TEK: variants seen among roughly 807,000 people sequenced by gnomAD.
TEK encodes the protein angiopoietin-1 receptor.
A neutral mutation model predicts 131.8 loss-of-function variants in TEK; 43 were observed. The observed-to-expected ratio is 0.33, with a 90% CI of 0.26 to 0.42. The LOEUF is 0.42. Ranked by LOEUF, TEK falls within the 10% of genes least tolerant of loss-of-function variation. TEK has a pLI of 1.00. For synonymous variants in TEK, 580 were observed against 491.6 expected (o/e 1.18, Z -2.38); for missense variants, 1,162 against 1,384.4 (o/e 0.84, Z 2.55).
chr9:27,204,929 G>T lies in TEK; in HGVS notation c.2228G>T (p.Gly743Val), dbSNP rs202131936. 76 of 1,613,984 alleles carry T rather than the reference G, an allele frequency of 4.7e-5. No homozygotes were observed. Among genetic ancestry groups the T allele is most frequent in the South Asian group, 2.9e-4 (26 of 91,076 alleles). Residue 743 changes from glycine to valine, a missense_variant, in exon 14 of 23, where the codon GGG (glycine) becomes GTG (valine). Physicochemically the swap from Gly to Val is moderately radical, Grantham distance 109. This residue lies in a region of TEK where 477 missense variants were observed against 471.0 expected (regional missense o/e 1.01). Coordinates refer to ENST00000380036, the MANE Select transcript of TEK (RefSeq NM_000459.5). ...PESQAPADLG[G>V]GKMLLIAILG... ...TGCACAGCACCAGCGGACCTCGGAGGGGGGAAGATGCTGCTTATAGCCATC... is the reference window on the plus strand; with the variant it reads ...TGCACAGCACCAGCGGACCTCGGAGTGGGGAAGATGCTGCTTATAGCCATC...
At chr9:27,134,269 G>T (rs914548120) in intron 1 of TEK, among the ~76,000 whole-genome samples, 41 of 152,170 alleles carry the variant, frequency 2.7e-4, no homozygotes, top group African/African-American at 9.7e-4. Flanking sequence ...ACTTGGATTA[G>T]AGAGTTAACA....
chr9:27,229,308 C>A lies in TEK; in HGVS notation c.*76C>A. On this transcript the variant is annotated 3_prime_UTR_variant, in exon 23 of 23. Transcript: ENST00000380036. ...CTTGACACCTGCTGAGAAAACATGCCTCTGCCAAAGGATGTGATATATAAG... is the reference window on the plus strand; with the variant it reads ...CTTGACACCTGCTGAGAAAACATGCATCTGCCAAAGGATGTGATATATAAG... 1 of 1,409,574 alleles carries A rather than the reference C, an allele frequency of 7.1e-7. No homozygotes were observed. The highest frequency in any genetic ancestry group is 1.2e-5 in the South Asian group (1 of 86,872). 87.3% of individuals were successfully genotyped at this position (1,409,574 alleles called of 1,614,324 possible). A position where few individuals can be genotyped will look rare whatever the true frequency, so the allele number is the denominator to read the frequency against.
intron 11 of TEK, among the ~76,000 whole-genome samples, chr9:27,196,916 G>T (rs1048535602): frequency 3.3e-5 from 5 of 151,626 alleles, no homozygotes; most frequent in Non-Finnish European, 7.4e-5. Flanking sequence ...ACAACGTGCA[G>T]GTTAGTTACA....
At chr9:27,218,528 G>C (rs1479490618) in intron 19 of TEK, among the ~76,000 whole-genome samples, 7 of 152,114 alleles carry the variant, frequency 4.6e-5, no homozygotes, top group Non-Finnish European at 1.0e-4. Context: ...GTTTTGGACA[G>C]TACCACCTTG....
At chr9:27,211,175 A>ATACATATGAATATATG (rs1564101014) in intron 16 of TEK, among the ~76,000 whole-genome samples, 2 of 88,698 alleles carry the variant, frequency 2.3e-5, no homozygotes, top group African/African-American at 6.7e-5. Flanking sequence ...GTATGTGTAT[A>ATACATATGAATATATG]TATATATATG....
intron 18 of TEK, among the ~76,000 whole-genome samples, 174 bp downstream of exon 18, chr9:27,213,771 T>C (rs1333905742): frequency 6.6e-6 from 1 of 152,180 alleles, no homozygotes; most frequent in Admixed American, 6.5e-5. Context: ...CCTAACATGA[T>C]TGCAGCATCT....
intron 11 of TEK, 99 bp downstream of exon 11, chr9:27,192,722 G>T: frequency 3.1e-6 from 3 of 960,708 alleles, no homozygotes; most frequent in Non-Finnish European, 4.7e-6. Context: ...TGGGTGAGTG[G>T]GTGGGTGGGG....
chr9:27,163,514 C>G (rs528669879), intron 2 of TEK, among the ~76,000 whole-genome samples: 1 of 152,314 alleles, frequency 6.6e-6, no homozygotes, highest in East Asian at 1.9e-4. Context: ...AGAAAGAAAA[C>G]TCATGACTTG....
rs1252700262 is a variant in TEK, at chr9:27,229,583, T to C, written c.*351T>C. 6.7e-6 allele frequency: 2 copies of C among 299,040 alleles called. No individual in the cohort carries two copies. The highest frequency in any genetic ancestry group is 4.1e-5 in the South Asian group (1 of 24,236). 18.5% of individuals were successfully genotyped at this position (299,040 alleles called of 1,614,324 possible). ...CTAGATATTTTGATATTTACCTTTA[T>C]GTTGAATGCTATTAAATGTTTTCCT... On this transcript the variant is annotated 3_prime_UTR_variant, in exon 23 of 23. Transcript: ENST00000380036.
intron 1 of TEK, among the ~76,000 whole-genome samples, chr9:27,147,701 C>T (rs1428036930): frequency 2.0e-5 from 3 of 152,024 alleles, no homozygotes; most frequent in Admixed American, 2.0e-4. Flanking sequence ...TTCTATATAC[C>T]TAAAGTTTTG....
rs113802296 is a variant in TEK at position 27,111,997 on chromosome 9, C to A, written c.52+2355C>A. 5.9e-3 allele frequency among the ~76,000 whole-genome samples: 885 copies of A among 151,220 alleles called. 10 individuals carry two copies. The highest frequency in any genetic ancestry group is 0.02 in the African/African-American group (831 of 41,180). ...CACTGCAACCTCCGCCTCCCAGGTT[C>A]ACGTGATTCTGTGCCTCAGCCTCTC... On this transcript the variant is annotated intron_variant, in intron 1 of 22. Coordinates refer to ENST00000380036, the MANE Select transcript of TEK (RefSeq NM_000459.5).
chr9:27,115,354 C>G (rs1213979790), intron 1 of TEK, among the ~76,000 whole-genome samples: 1 of 151,964 alleles, frequency 6.6e-6, no homozygotes, highest in Non-Finnish European at 1.5e-5. Flanking sequence ...CAAAAATTAG[C>G]CTGGCATGGT....
chr9:27,222,795 C>G (rs1826139777), intron 21 of TEK, among the ~76,000 whole-genome samples: 1 of 152,142 alleles, frequency 6.6e-6, no homozygotes, highest in Admixed American at 6.5e-5. Flanking sequence ...TACAAAGAAA[C>G]TGCATCAACT....
intron 11 of TEK, among the ~76,000 whole-genome samples, chr9:27,196,905 C>T (rs1208118580): frequency 6.6e-6 from 1 of 150,468 alleles, no homozygotes; most frequent in East Asian, 2.0e-4. Flanking sequence ...GGTACATGTG[C>T]ACAACGTGCA....
intron 1 of TEK, among the ~76,000 whole-genome samples, chr9:27,121,061 C>T (rs1367965249): frequency 2.0e-5 from 3 of 152,178 alleles, no homozygotes; most frequent in African/African-American, 7.2e-5. Flanking sequence ...GTGGCTCACG[C>T]CTGTAATCCC....
At chr9:27,141,167 A>C (rs982561483) in intron 1 of TEK, among the ~76,000 whole-genome samples, 7 of 151,948 alleles carry the variant, frequency 4.6e-5, no homozygotes, top group African/African-American at 1.7e-4. Flanking sequence ...GTCAATCTTA[A>C]CTTCTAACAT....
chr9:27,156,981 A>C, intron 1 of TEK, among the ~76,000 whole-genome samples: 1 of 147,670 alleles, frequency 6.8e-6, no homozygotes, highest in East Asian at 2.1e-4. Flanking sequence ...AAATCAAAAA[A>C]GGGAGGGGTG....
chr9:27,204,180 A>G (rs1357995125), intron 13 of TEK, among the ~76,000 whole-genome samples: 1 of 152,240 alleles, frequency 6.6e-6, no homozygotes, highest in Non-Finnish European at 1.5e-5. Flanking sequence ...GTATCTGTAC[A>G]TATATAGAGA....
chr9:27,165,210 G>A (rs529290131), intron 2 of TEK, among the ~76,000 whole-genome samples: 8 of 152,192 alleles, frequency 5.3e-5, no homozygotes, highest in Non-Finnish European at 1.0e-4. Context: ...GGGAACCTTG[G>A]TTCCTTTCAG....
Sources: gnomAD v4.1 joint callset for allele counts (sites outside exome capture counted in the v4.1 genomes callset) on GRCh38, gnomAD v4.1.1 for gene constraint, gnomAD v4.1.1 regional missense constraint, MANE v1.5 for transcripts, NCBI Gene and HGNC (gene_info 2026-07-23, HGNC 2026-07-21) for gene names.